Variants in PKNOX2 observed in about 807,000 individuals in gnomAD.
PKNOX2 encodes PBX/knotted 1 homeobox 2.
Under a neutral mutation model 53.1 loss-of-function variants are expected in PKNOX2, and 14 were observed. The ratio of observed to expected loss-of-function variants is 0.26; its 90% CI spans 0.17 to 0.41. PKNOX2 has a LOEUF of 0.41. Ranked by LOEUF, PKNOX2 falls within the 10% of genes least tolerant of loss-of-function variation. The probability of loss-of-function intolerance (pLI) is 1.00; values close to 1 mark genes in which losing one functional copy is unlikely to be tolerated. For missense variants in PKNOX2, 496 were observed against 602.8 expected (o/e 0.82, Z 1.85); for synonymous variants, 257 against 242.8 (o/e 1.06, Z -0.54).
At chr11:125,229,745 T>C (rs932307257) in intron 1 of PKNOX2, among the ~76,000 whole-genome samples, 1 of 152,056 alleles carries the variant, frequency 6.6e-6, no homozygotes, top group Non-Finnish European at 1.5e-5. Context: ...GGTCTTGGTG[T>C]TTTAGCACTA....
chr11:125,346,885 G>A (rs1317645997), intron 3 of PKNOX2, among the ~76,000 whole-genome samples: 5 of 152,034 alleles, frequency 3.3e-5, no homozygotes, highest in Admixed American at 6.5e-5. Flanking sequence ...CAGGGCCACC[G>A]TCCCCTCTAT....
At chr11:125,249,237 A>C (rs969122682) in intron 2 of PKNOX2, among the ~76,000 whole-genome samples, 1 of 151,914 alleles carries the variant, frequency 6.6e-6, no homozygotes, top group African/African-American at 2.4e-5. Context: ...TACTGATTTA[A>C]ATGGATACTA....
At chr11:125,169,639 C>T (rs1244326341) in intron 1 of PKNOX2, among the ~76,000 whole-genome samples, 2 of 152,178 alleles carry the variant, frequency 1.3e-5, no homozygotes, top group Non-Finnish European at 2.9e-5. Context: ...ATGTATCACA[C>T]ACAGTTCTCA....
intron 2 of PKNOX2, among the ~76,000 whole-genome samples, chr11:125,314,868 G>A (rs1250907552): frequency 6.6e-6 from 1 of 152,196 alleles, no homozygotes; most frequent in Non-Finnish European, 1.5e-5. Flanking sequence ...TAAGGGAAAA[G>A]GAGACTATTC....
intron 2 of PKNOX2, among the ~76,000 whole-genome samples, chr11:125,252,997 G>T (rs1944123056): frequency 6.6e-6 from 1 of 152,174 alleles, no homozygotes; most frequent in Admixed American, 6.5e-5. Flanking sequence ...CAGCTCCCAG[G>T]GTCAAAGGCT....
At chr11:125,195,020 G>A (rs772199371) in intron 1 of PKNOX2, among the ~76,000 whole-genome samples, 6 of 152,168 alleles carry the variant, frequency 3.9e-5, no homozygotes, top group Non-Finnish European at 8.8e-5. Flanking sequence ...GAAAATGGAG[G>A]CATGGAACGC....
chr11:125,175,208 G>GAAGGAAGT (rs1411464379), intron 1 of PKNOX2, among the ~76,000 whole-genome samples: 6 of 44,018 alleles, frequency 1.4e-4, no homozygotes, highest in Non-Finnish European at 2.4e-4. Flanking sequence ...GGTTTGAGGA[G>GAAGGAAGT]AAGGAAGGAA....
chr11:125,265,274 G>C (rs981816993), intron 2 of PKNOX2, among the ~76,000 whole-genome samples: 2 of 150,770 alleles, frequency 1.3e-5, no homozygotes, highest in African/African-American at 4.9e-5. Context: ...GCAACAGAGC[G>C]AGACTCTGTC....
At chr11:125,415,308 G>C (rs556067354) in intron 10 of PKNOX2, among the ~76,000 whole-genome samples, 1 of 141,620 alleles carries the variant, frequency 7.1e-6, no homozygotes, top group Non-Finnish European at 1.5e-5. Context: ...GCAATGGCAC[G>C]ATCTTGGCTC....
At chr11:125,344,306 G>A (rs1950857440) in intron 3 of PKNOX2, among the ~76,000 whole-genome samples, 1 of 152,222 alleles carries the variant, frequency 6.6e-6, no homozygotes, top group Non-Finnish European at 1.5e-5. Context: ...GGAGACGGGA[G>A]AGGAGGTTTA....
chr11:125,171,189 G>T (rs999351122), intron 1 of PKNOX2, among the ~76,000 whole-genome samples: 3 of 152,198 alleles, frequency 2.0e-5, no homozygotes, highest in Non-Finnish European at 4.4e-5. Flanking sequence ...CAGTAATCGG[G>T]CATCATGGGC....
chr11:125,360,160 A>G (rs28661940), intron 4 of PKNOX2, among the ~76,000 whole-genome samples: 1 of 151,236 alleles, frequency 6.6e-6, no homozygotes, highest in African/African-American at 2.4e-5. Flanking sequence ...AAAAAAAAAA[A>G]GAAAAAGGAA....
intron 7 of PKNOX2, among the ~76,000 whole-genome samples, chr11:125,405,986 G>A (rs1267460304): frequency 1.3e-5 from 2 of 152,204 alleles, no homozygotes; most frequent in Non-Finnish European, 2.9e-5. Context: ...CAGCAGGGAT[G>A]TGAGGCTCTG....
At chr11:125,417,032 C>T (rs2135590866) in intron 10 of PKNOX2, among the ~76,000 whole-genome samples, 1 of 152,114 alleles carries the variant, frequency 6.6e-6, no homozygotes, top group African/African-American at 2.4e-5. Context: ...CCTCTGAGTC[C>T]CTGAAGAATC....
At chr11:125,348,942 C>T (rs1182125482) in intron 3 of PKNOX2, among the ~76,000 whole-genome samples, 1 of 152,136 alleles carries the variant, frequency 6.6e-6, no homozygotes, top group Non-Finnish European at 1.5e-5. Flanking sequence ...GCTCCCTCTT[C>T]TGGAGGCTGC....
intron 2 of PKNOX2, among the ~76,000 whole-genome samples, chr11:125,292,879 T>C (rs1210426111): frequency 1.3e-5 from 2 of 152,138 alleles, no homozygotes; most frequent in Admixed American, 6.6e-5. Flanking sequence ...ATGTACGGTA[T>C]GGAAGTGGGG....
At chr11:125,304,795 G>A (rs1052133218) in intron 2 of PKNOX2, among the ~76,000 whole-genome samples, 1 of 152,122 alleles carries the variant, frequency 6.6e-6, no homozygotes, top group Non-Finnish European at 1.5e-5. Flanking sequence ...AATATTGAGG[G>A]CCTACTATGT....
intron 1 of PKNOX2, among the ~76,000 whole-genome samples, chr11:125,200,671 C>T (rs1938335604): frequency 2.6e-5 from 4 of 152,190 alleles, no homozygotes; most frequent in Admixed American, 2.6e-4. Flanking sequence ...TTCTCCTGCA[C>T]CAAGGCCACC....
chr11:125,360,265 T>C (rs79983860), intron 4 of PKNOX2, among the ~76,000 whole-genome samples: 1 of 151,660 alleles, frequency 6.6e-6, no homozygotes, highest in African/African-American at 2.4e-5. Flanking sequence ...TTAATAGTCA[T>C]AACAAGCAAG....
Sources: allele counts gnomAD v4.1 joint callset (sites outside exome capture counted in the v4.1 genomes callset), GRCh38; gene constraint gnomAD v4.1.1; transcripts MANE v1.5; gene names NCBI Gene and HGNC (gene_info 2026-07-23, HGNC 2026-07-21).